The following TRIP11 variants were observed in gnomAD, a reference collection of about 807,000 sequenced individuals.
TRIP11 encodes thyroid receptor-interacting protein 11.
A neutral mutation model predicts 223.1 loss-of-function variants in TRIP11; 148 were observed. That is an observed-to-expected ratio of 0.66 (90% CI 0.58 to 0.76). The LOEUF (loss-of-function observed/expected upper bound fraction) is 0.76. Among genes scored for constraint, TRIP11 ranks in the 30% least tolerant of loss-of-function variants. TRIP11 has a pLI of 0.00. For synonymous variants in TRIP11, 762 were observed against 772.6 expected, an observed-to-expected ratio of 0.99 and a Z score of 0.23; for missense variants, 2,043 against 2,222.0, an observed-to-expected ratio of 0.92 and a Z score of 1.62.
chr14:92,010,880 G>T lies in TRIP11; in HGVS notation c.1314+106C>A, dbSNP rs550008721. On this transcript the variant is annotated intron_variant, in intron 9 of 20. Coordinates refer to ENST00000267622, the MANE Select transcript of TRIP11 (RefSeq NM_004239.4). ...TCAGTGAGATCAGCTTTATTCTAAG[G>T]ACTTGAGCTCAATTACTCAACATTC... is the stretch of plus-strand genomic sequence containing the variant. The T allele has an allele frequency of 4.0e-5, 42 of 1,052,320 alleles. No homozygotes were observed. In the African/African-American group the frequency reaches 5.1e-4, roughly 13 times the overall value. 65.2% of individuals were successfully genotyped at this position (1,052,320 alleles called of 1,614,324 possible).
chr14:92,014,876 G>A (rs1220877904), intron 6 of TRIP11, among the ~76,000 whole-genome samples: 1 of 151,436 alleles, frequency 6.6e-6, no homozygotes, highest in Admixed American at 6.6e-5. Context: ...TTACCACAAA[G>A]GTAAAAAGGA....
At chr14:91,990,441 T>C (rs186747894) in intron 15 of TRIP11, among the ~76,000 whole-genome samples, 1 of 152,352 alleles carries the variant, frequency 6.6e-6, no homozygotes, top group Non-Finnish European at 1.5e-5. Context: ...TCTTCTCATT[T>C]ATTTTGTTCT....
At chr14:91,999,939 T>G in intron 12 of TRIP11, 29 bp downstream of exon 12, 2 of 1,612,790 alleles carry the variant, frequency 1.2e-6, no homozygotes, top group Non-Finnish European at 1.7e-6. Flanking sequence ...TATTGTTTGA[T>G]TCATAATTCT....
chr14:91,974,876 T>C (rs917940327), intron 18 of TRIP11, 133 bp from the exon 19 acceptor site: 30 of 770,812 alleles, frequency 3.9e-5, no homozygotes, highest in Non-Finnish European at 6.3e-5. Flanking sequence ...TGTTTCCTAC[T>C]GATAGAGTCT....
intron 13 of TRIP11, among the ~76,000 whole-genome samples, chr14:91,997,753 G>A (rs2056769323): frequency 1.3e-5 from 2 of 152,144 alleles, no homozygotes. Context: ...GGCTAAGGTG[G>A]TAGGAGCCTG....
chr14:92,029,990 G>A (rs1342803489), intron 2 of TRIP11, among the ~76,000 whole-genome samples: 2 of 152,008 alleles, frequency 1.3e-5, no homozygotes, highest in African/African-American at 4.8e-5. Flanking sequence ...GAGGTCAGGA[G>A]ATCGAGACCA....
In TRIP11 at chr14:92,004,119, T is replaced by C; in HGVS notation, c.3857A>G (p.Gln1286Arg). The C allele has an allele frequency of 6.2e-7, 1 of 1,614,238 alleles. No individual in the cohort carries two copies. Among genetic ancestry groups the C allele is most frequent in the Non-Finnish European group, 8.5e-7 (1 of 1,180,038 alleles). ...QNETKLKNFG[Q>R]ELAQVQHSIG... ...GCTGTGCTGAACTTGTGCTAATTCC[T>C]GCCCAAAATTTTTGAGTTTGGTTTC... The change falls in exon 11 of 21, where the codon CAG becomes CGG. Residue 1286 changes from glutamine to arginine, a missense_variant. Coordinates refer to ENST00000267622, the MANE Select transcript of TRIP11 (RefSeq NM_004239.4).
rs11160033 is a variant in TRIP11 at position 91,970,236 on chromosome 14, G to A, written c.5720-343C>T. Among the ~76,000 whole-genome samples the A allele has an allele frequency of 0.021, 3,197 of 151,956 alleles. 62 individuals carry two copies. The highest frequency in any genetic ancestry group is 0.028 in the Non-Finnish European group (1,914 of 67,918). Reference sequence around the variant, plus strand: ...AGCCTGGCCAACATGGTGAAACGCCGTCTCTACTAAAAACACAAAATAAAA... The same window carrying A: ...AGCCTGGCCAACATGGTGAAACGCCATCTCTACTAAAAACACAAAATAAAA... On this transcript the variant is annotated intron_variant, in intron 20 of 20. Transcript: ENST00000267622.
At chr14:92,015,061 G>A (rs1458521435) in intron 6 of TRIP11, among the ~76,000 whole-genome samples, 6 of 151,900 alleles carry the variant, frequency 3.9e-5, no homozygotes, top group Admixed American at 1.3e-4. Flanking sequence ...GCACCACCAC[G>A]TCCAGCTAAT....
chr14:92,021,422 C>A (rs533786645), intron 4 of TRIP11, 134 bp downstream of exon 4: 3 of 778,826 alleles, frequency 3.9e-6, no homozygotes, highest in African/African-American at 1.8e-5. Flanking sequence ...AAGTCACTGA[C>A]GGAATTAGAA....
intron 16 of TRIP11, among the ~76,000 whole-genome samples, chr14:91,977,416 A>AT (rs2056479891): frequency 6.6e-6 from 1 of 152,120 alleles, no homozygotes. Context: ...TTTTGAGTTA[A>AT]TTTTTGTGCA....
chr14:91,970,769 T>C (rs2056392222), intron 20 of TRIP11, among the ~76,000 whole-genome samples: 1 of 152,232 alleles, frequency 6.6e-6, no homozygotes. Context: ...TCTTGTTTTA[T>C]ACTTAAATAC....
At chr14:91,981,342 A>G (rs1479418587) in intron 16 of TRIP11, among the ~76,000 whole-genome samples, 1 of 151,348 alleles carries the variant, frequency 6.6e-6, no homozygotes, top group Admixed American at 6.6e-5. Flanking sequence ...AAAAGATATT[A>G]TACTATTTGC....
chr14:92,039,680 C>A lies in TRIP11; in HGVS notation c.6G>T (p.Ser2=). The A allele has an allele frequency of 1.9e-6, 3 of 1,611,984 alleles. No homozygotes were observed. Among genetic ancestry groups the A allele is most frequent in the Admixed American group, 1.7e-5 (1 of 59,698 alleles). Residue 2 remains serine (S), a synonymous_variant, in exon 1 of 21, where the codon TCG becomes TCT. Transcript: ENST00000267622. M[S]SWLGGLGSGL... ...CGGAGCCGAGGCCCCCAAGCCAGGA[C>A]GACATCGCGGCGAGTTTAGAGAACG... is the stretch of plus-strand genomic sequence containing the variant.
chr14:92,005,796 C>G lies in TRIP11; in HGVS notation c.2180G>C (p.Trp727Ser). 6.2e-7 allele frequency: 1 copy of G among 1,614,040 alleles called. No homozygotes were observed. Among genetic ancestry groups the G allele is most frequent in the Non-Finnish European group, 8.5e-7 (1 of 1,180,008 alleles). The change falls in exon 11 of 21, where the codon TGG (tryptophan) becomes TCG (serine). Residue 727 changes from tryptophan (W) to serine (S), a missense_variant. Coordinates refer to ENST00000267622, the MANE Select transcript of TRIP11 (RefSeq NM_004239.4). Reference protein sequence around the residue: ...EKGEIEAELCWAKKRLLEEAN... With the variant: ...EKGEIEAELCSAKKRLLEEAN... ...TTCTTCCAACAGCCTCTTTTTAGCC[C>G]AACACAATTCTGCCTCTATCTCTCC...
In TRIP11 at chr14:91,969,513, G is replaced by A. The variant is rs2056374876; in HGVS notation, c.*160C>T. The stretch of plus-strand genomic sequence containing the variant: ...CAAACACTTGCTCCTGACACCTGCA[G>A]TTTCTAAAAGCATTAGGAATATTTT... On this transcript the variant is annotated 3_prime_UTR_variant, in exon 21 of 21. Transcript: ENST00000267622. The A allele has an allele frequency of 3.9e-6, 3 of 768,240 alleles. No homozygotes were observed. The highest frequency in any genetic ancestry group is 3.5e-5 in the African/African-American group (2 of 57,894). The allele number at this position is 768,240 out of a possible 1,614,324, so 47.6% of individuals were successfully genotyped here.
At chr14:91,974,169 G>A (rs58597245) in intron 19 of TRIP11, among the ~76,000 whole-genome samples, 23,040 of 152,078 alleles carry the variant, frequency 0.15, 2,241 homozygotes, top group African/African-American at 0.28. Flanking sequence ...TTCCTCCTTC[G>A]AGAATCTAAG....
At position 91,968,939 on chromosome 14, in the gene TRIP11, G is replaced by A. The variant is rs1380545682; in HGVS notation, c.*734C>T. On this transcript the variant is annotated 3_prime_UTR_variant, in exon 21 of 21. Coordinates refer to ENST00000267622, the MANE Select transcript of TRIP11 (RefSeq NM_004239.4). ...GGAAGTCTTCCGTGTCTTGCCTGTG[G>A]TGGTAGTCACATGAATTTACACACA... The A allele has an allele frequency of 4.3e-6, 1 of 230,908 alleles. No homozygotes were observed. The highest frequency in any genetic ancestry group is 5.6e-5 in the Admixed American group (1 of 17,702). 14.3% of individuals were successfully genotyped at this position (230,908 alleles called of 1,614,324 possible). A position where few individuals can be genotyped will look rare whatever the true frequency, so the allele number is the denominator to read the frequency against.
intron 13 of TRIP11, among the ~76,000 whole-genome samples, chr14:91,998,507 T>C (rs1035319999): frequency 6.6e-6 from 1 of 152,128 alleles, no homozygotes; most frequent in African/African-American, 2.4e-5. Flanking sequence ...ATATTATTGA[T>C]AGAAACAGAT....
Sources: allele counts gnomAD v4.1 joint callset (sites outside exome capture counted in the v4.1 genomes callset), GRCh38; gene constraint gnomAD v4.1.1; transcripts MANE v1.5; gene names NCBI Gene and HGNC (gene_info 2026-07-23, HGNC 2026-07-21).